The following PROS1 variants were observed in gnomAD, a reference collection of about 807,000 sequenced individuals.
PROS1 encodes protein S, also known as vitamin K-dependent protein S.
In PROS1, 29 loss-of-function variants were observed where a neutral mutation model predicts 75.9. The observed-to-expected ratio is 0.38, with a 90% confidence interval of 0.28 to 0.52. The LOEUF is 0.52. PROS1 is among the 20% of genes least tolerant of loss of function. The pLI, the probability that PROS1 is intolerant of heterozygous loss-of-function variation, is 0.83. For synonymous variants in PROS1, 245 were observed against 280.6 expected, an observed-to-expected ratio of 0.87 and a Z score of 1.27; for missense variants, 680 against 810.3, an observed-to-expected ratio of 0.84 and a Z score of 1.95.
At chr3:93,965,096 G>A (rs901679471) in intron 1 of PROS1, among the ~76,000 whole-genome samples, 2 of 152,210 alleles carry the variant, frequency 1.3e-5, no homozygotes, top group Non-Finnish European at 2.9e-5. Flanking sequence ...GAGCACAGCG[G>A]GAGGGACAAG....
chr3:93,898,054 G>T (rs1708529774), intron 8 of PROS1, among the ~76,000 whole-genome samples: 1 of 152,022 alleles, frequency 6.6e-6, no homozygotes, highest in Non-Finnish European at 1.5e-5. Flanking sequence ...GATCAAACTA[G>T]TCAGAGTGGA....
chr3:93,935,763 T>TCTA (rs1199802525), intron 1 of PROS1, among the ~76,000 whole-genome samples: 3 of 152,084 alleles, frequency 2.0e-5, no homozygotes, highest in Admixed American at 2.0e-4. Context: ...TTCAATGGTT[T>TCTA]CTACCAGCAT....
At chr3:93,949,484 T>C (rs1224922345) in intron 1 of PROS1, among the ~76,000 whole-genome samples, 1 of 151,988 alleles carries the variant, frequency 6.6e-6, no homozygotes, top group Non-Finnish European at 1.5e-5. Flanking sequence ...AGCAAAAATG[T>C]CTGCATCCAA....
chr3:93,937,397 T>C (rs932960267), intron 1 of PROS1, among the ~76,000 whole-genome samples: 1 of 148,548 alleles, frequency 6.7e-6, no homozygotes, highest in African/African-American at 2.5e-5. Context: ...AGATGGAGTC[T>C]CACTCTGTCG....
chr3:93,930,591 C>T (rs909117703), intron 1 of PROS1, among the ~76,000 whole-genome samples: 3 of 152,232 alleles, frequency 2.0e-5, no homozygotes, highest in Non-Finnish European at 2.9e-5. Flanking sequence ...TCTCTTTCCC[C>T]GTATGGGCCC....
intron 1 of PROS1, among the ~76,000 whole-genome samples, chr3:93,954,797 G>A (rs1057261467): frequency 1.3e-5 from 2 of 152,166 alleles, no homozygotes; most frequent in Non-Finnish European, 2.9e-5. Context: ...GCAACCTACA[G>A]GATGGGAGAA....
intron 8 of PROS1, among the ~76,000 whole-genome samples, chr3:93,897,070 A>G (rs1708513157): frequency 6.6e-6 from 1 of 152,130 alleles, no homozygotes; most frequent in Non-Finnish European, 1.5e-5. Context: ...AATTATTTTT[A>G]TTTGAAGTCA....
chr3:93,885,784 T>TA (rs1708337425), intron 11 of PROS1, among the ~76,000 whole-genome samples: 1 of 152,234 alleles, frequency 6.6e-6, no homozygotes. Flanking sequence ...TAATATCATA[T>TA]AATGGAAATC....
intron 1 of PROS1, 49 bp downstream of exon 1, chr3:93,973,625 T>A (rs1323120903): frequency 2.5e-6 from 4 of 1,586,798 alleles, no homozygotes; most frequent in Non-Finnish European, 3.5e-6. Flanking sequence ...GGCACGCAGT[T>A]CAGTCGACAA....
chr3:93,890,824 G>T (rs1708421926), intron 10 of PROS1, among the ~76,000 whole-genome samples: 1 of 152,116 alleles, frequency 6.6e-6, no homozygotes, highest in South Asian at 2.1e-4. Context: ...CAAACTTCTT[G>T]TCTGGGTGCA....
At chr3:93,887,410 A>C (rs1708365773) in intron 10 of PROS1, among the ~76,000 whole-genome samples, 1 of 152,212 alleles carries the variant, frequency 6.6e-6, no homozygotes, top group Non-Finnish European at 1.5e-5. Context: ...GGTAAACAAC[A>C]ATAAAAATTC....
intron 12 of PROS1, among the ~76,000 whole-genome samples, chr3:93,884,016 A>G (rs926581847): frequency 1.3e-5 from 2 of 152,200 alleles, no homozygotes; most frequent in South Asian, 2.1e-4. Context: ...CCTGGCACCA[A>G]CAAAACTTAA....
chr3:93,948,466 T>A (rs1374005363), intron 1 of PROS1, among the ~76,000 whole-genome samples: 1 of 152,194 alleles, frequency 6.6e-6, no homozygotes, highest in Non-Finnish European at 1.5e-5. Context: ...ATATCCTTGT[T>A]AACTTTCTGT....
intron 1 of PROS1, among the ~76,000 whole-genome samples, chr3:93,927,993 G>GTGTGTATATATA (rs1304225620): frequency 3.9e-5 from 1 of 25,606 alleles, no homozygotes; most frequent in Non-Finnish European, 7.0e-5. Flanking sequence ...GTGTGTGTGT[G>GTGTGTATATATA]TATATATATA....
chr3:93,929,659 A>G (rs557187256), intron 1 of PROS1, among the ~76,000 whole-genome samples: 1 of 152,360 alleles, frequency 6.6e-6, no homozygotes, highest in Admixed American at 6.5e-5. Flanking sequence ...CTAAAGTAGT[A>G]TATATGTAAA....
chr3:93,963,578 C>A (rs1360070550), intron 1 of PROS1, among the ~76,000 whole-genome samples: 1 of 152,196 alleles, frequency 6.6e-6, no homozygotes, highest in African/African-American at 2.4e-5. Context: ...CACCATTCTG[C>A]AGGCTGTACA....
intron 1 of PROS1, among the ~76,000 whole-genome samples, chr3:93,928,146 C>T (rs1026673923): frequency 1.5e-4 from 22 of 146,010 alleles, no homozygotes; most frequent in African/African-American, 5.0e-4. Context: ...TCCTGAGTAG[C>T]TGGGATTACT....
chr3:93,885,139 CCCA>C (rs1176349360), intron 11 of PROS1, among the ~76,000 whole-genome samples: 1 of 152,160 alleles, frequency 6.6e-6, no homozygotes, highest in Non-Finnish European at 1.5e-5. Flanking sequence ...CACTTCAAGC[CCCA>C]CCTGCCTCTC....
At chr3:93,889,858 C>T (rs1257530305) in intron 10 of PROS1, among the ~76,000 whole-genome samples, 1 of 152,034 alleles carries the variant, frequency 6.6e-6, no homozygotes, top group African/African-American at 2.4e-5. Flanking sequence ...AATATGAAAT[C>T]AGTGCACCTT....
Sources: allele counts gnomAD v4.1 joint callset (sites outside exome capture counted in the v4.1 genomes callset), GRCh38; gene constraint gnomAD v4.1.1; transcripts MANE v1.5; gene names NCBI Gene and HGNC (gene_info 2026-07-23, HGNC 2026-07-21).